The following RBFOX1 variants were observed in gnomAD, a reference collection of about 807,000 sequenced individuals.
RBFOX1 encodes the protein RNA binding protein fox-1 homolog 1.
A neutral mutation model predicts 57.7 loss-of-function variants in RBFOX1; 8 were observed. The ratio of observed to expected loss-of-function variants is 0.14; its 90% CI spans 0.08 to 0.25. The LOEUF is 0.25. Among genes scored for constraint, RBFOX1 ranks in the 10% least tolerant of loss-of-function variants. The pLI is 1.00. For synonymous variants in RBFOX1, 326 were observed against 222.4 expected, an observed-to-expected ratio of 1.47 and a Z score of -4.15; for missense variants, 611 against 548.5, an observed-to-expected ratio of 1.11 and a Z score of -1.14.
Position 6,821,965 on chromosome 16 carries a change from A to G in RBFOX1, c.-16+167315A>G, listed in dbSNP as rs570772723. Among the ~76,000 whole-genome samples, 9 of 152,274 alleles carry G rather than the reference A, an allele frequency of 5.9e-5. No individual in the cohort carries two copies. In the South Asian group the frequency reaches 1.7e-3, roughly 28 times the overall value. On this transcript the variant is annotated intron_variant, in intron 3 of 15. Coordinates refer to ENST00000550418, the MANE Select transcript of RBFOX1 (RefSeq NM_018723.4). Reference sequence around the variant, plus strand: ...TCTAGTTTCTGATGTGATTGCCTCTACTGTTTGGGGATGGATGATACTTCG... The same window carrying G: ...TCTAGTTTCTGATGTGATTGCCTCTGCTGTTTGGGGATGGATGATACTTCG...
chr16:5,897,726 T>C (rs2058202222), intron 4 of RBFOX1, among the ~76,000 whole-genome samples: 1 of 152,202 alleles, frequency 6.6e-6, no homozygotes, highest in Non-Finnish European at 1.5e-5. Flanking sequence ...AAGACCTGAC[T>C]GGTGTCTCCC....
At chr16:6,108,765 T>C (rs1368383186) in intron 1 of RBFOX1, among the ~76,000 whole-genome samples, 1 of 152,182 alleles carries the variant, frequency 6.6e-6, no homozygotes, top group Admixed American at 6.5e-5. Flanking sequence ...TGCCCTTGAC[T>C]GGCTTGTGGC....
intron 1 of RBFOX1, among the ~76,000 whole-genome samples, chr16:5,429,640 T>G (rs1165038033): frequency 6.6e-6 from 1 of 152,026 alleles, no homozygotes; most frequent in African/African-American, 2.4e-5. Context: ...CAGAATGAGG[T>G]GTGGGTGGCA....
intron 4 of RBFOX1, chr16:7,332,933 C>T (rs1267582052): frequency 1.2e-6 from 2 of 1,609,112 alleles, no homozygotes; most frequent in Non-Finnish European, 8.5e-7. Context: ...GAAGTTGGGT[C>T]TATAGATTTC....
At chr16:6,942,789 T>G (rs555860619) in intron 3 of RBFOX1, among the ~76,000 whole-genome samples, 1 of 152,154 alleles carries the variant, frequency 6.6e-6, no homozygotes. Flanking sequence ...GGTTTTTATA[T>G]ATTGTCTCCA....
chr16:6,740,649 G>A (rs2071778536), intron 3 of RBFOX1, among the ~76,000 whole-genome samples: 1 of 152,074 alleles, frequency 6.6e-6, no homozygotes, highest in Admixed American at 6.6e-5. Flanking sequence ...CCAGAAAAAA[G>A]GGAAATATTT....
At chr16:6,577,832 C>G (rs1235428927) in intron 2 of RBFOX1, among the ~76,000 whole-genome samples, 1 of 152,094 alleles carries the variant, frequency 6.6e-6, no homozygotes, top group African/African-American at 2.4e-5. Flanking sequence ...AAAAAATAAA[C>G]CAGATAGTGA....
At position 5,285,961 on chromosome 16, in the gene RBFOX1, A is replaced by G. The variant is rs371408929; in HGVS notation, c.219+45856A>G. Among the ~76,000 whole-genome samples the G allele has an allele frequency of 8.1e-4, 123 of 152,160 alleles. 2 individuals are homozygous for G. The East Asian group carries it at 0.022, about 27-fold the overall frequency. The stretch of plus-strand genomic sequence containing the variant: ...TAATTTTTATATTTTTAGTAGAGAC[A>G]GGGTTTCACCATGTTGGCCGGGCTG... On this transcript the variant is annotated intron_variant, in intron 1 of 2. Transcript: ENST00000585867.
At chr16:5,404,993 C>A (rs917168640) in intron 1 of RBFOX1, among the ~76,000 whole-genome samples, 14 of 152,222 alleles carry the variant, frequency 9.2e-5, no homozygotes, top group African/African-American at 3.4e-4. Context: ...ATGCCATGGA[C>A]TATTTTACAT....
intron 2 of RBFOX1, among the ~76,000 whole-genome samples, chr16:5,526,464 T>A (rs941049302): frequency 6.6e-6 from 1 of 152,094 alleles, no homozygotes; most frequent in African/African-American, 2.4e-5. Context: ...AATTTTTGTA[T>A]TGTTAGTAGA....
At chr16:5,870,982 T>G (rs1188533135) in intron 4 of RBFOX1, among the ~76,000 whole-genome samples, 1 of 152,180 alleles carries the variant, frequency 6.6e-6, no homozygotes, top group African/African-American at 2.4e-5. Context: ...ACAGAATCAG[T>G]GAGAATGAGT....
chr16:5,247,561 T>A (rs1490216870), intron 1 of RBFOX1, among the ~76,000 whole-genome samples: 2 of 152,176 alleles, frequency 1.3e-5, no homozygotes, highest in East Asian at 3.8e-4. Flanking sequence ...GGAGGCAGGC[T>A]ACAGCCCACA....
intron 1 of RBFOX1, among the ~76,000 whole-genome samples, chr16:5,376,691 C>T (rs992106711): frequency 6.8e-6 from 1 of 147,198 alleles, no homozygotes; most frequent in Admixed American, 6.6e-5. Flanking sequence ...TGGTTCTTGT[C>T]CCCTTGGAAC....
intron 4 of RBFOX1, among the ~76,000 whole-genome samples, chr16:7,326,410 G>T (rs1438579141): frequency 1.3e-5 from 2 of 152,134 alleles, no homozygotes; most frequent in Admixed American, 1.3e-4. Context: ...GTTTTACTGG[G>T]GGGATAATAG....
chr16:6,298,178 G>T (rs1356385544), intron 1 of RBFOX1, among the ~76,000 whole-genome samples: 1 of 152,294 alleles, frequency 6.6e-6, no homozygotes, highest in African/African-American at 2.4e-5. Context: ...TCCTGTAAGG[G>T]GTTTGAGCAG....
intron 4 of RBFOX1, among the ~76,000 whole-genome samples, chr16:7,463,654 C>T (rs561079118): frequency 6.6e-6 from 1 of 152,120 alleles, no homozygotes; most frequent in Admixed American, 6.5e-5. Context: ...ACATTCAAAC[C>T]ATAGCAGTCA....
Position 7,710,788 on chromosome 16 carries a change from G to T in RBFOX1, c.*43G>T. On this transcript the variant is annotated 3_prime_UTR_variant, in exon 16 of 16. Transcript: ENST00000550418. ...ACCTTCCAATGTGGGGAGAAAGGAA[G>T]CTTTCCGAGGCCTGAGTATTGCAAT... The T allele has an allele frequency of 2.7e-6, 4 of 1,468,742 alleles. No individual in the cohort carries two copies. Among genetic ancestry groups the T allele is most frequent in the Non-Finnish European group, 3.7e-6 (4 of 1,095,744 alleles). 91.0% of individuals were successfully genotyped at this position (1,468,742 alleles called of 1,614,324 possible).
chr16:6,186,340 G>C (rs1255798210), intron 1 of RBFOX1, among the ~76,000 whole-genome samples: 7 of 152,158 alleles, frequency 4.6e-5, no homozygotes, highest in Admixed American at 2.0e-4. Flanking sequence ...GTTTGAAGAA[G>C]GAGAGGTTAT....
intron 4 of RBFOX1, among the ~76,000 whole-genome samples, chr16:7,246,855 A>G: frequency 6.6e-6 from 1 of 152,100 alleles, no homozygotes; most frequent in Non-Finnish European, 1.5e-5. Flanking sequence ...CTTCAGAGTC[A>G]AAGTTGAACT....
Sources: gnomAD v4.1 joint callset for allele counts (sites outside exome capture counted in the v4.1 genomes callset) on GRCh38, gnomAD v4.1.1 for gene constraint, MANE v1.5 for transcripts, NCBI Gene and HGNC (gene_info 2026-07-23, HGNC 2026-07-21) for gene names.